NUP42: variants seen among roughly 807,000 people sequenced by gnomAD.
NUP42 encodes nucleoporin 42.
In NUP42, 47 loss-of-function variants were observed where a neutral mutation model predicts 35.9. That is an observed-to-expected ratio of 1.31 (90% CI 1.04 to 1.67). The LOEUF is 1.67. NUP42 is among the 40% of genes most tolerant of loss of function. The pLI is 0.00. For missense variants in NUP42, 514 were observed against 492.2 expected (o/e 1.04, Z -0.42); for synonymous variants, 173 against 173.3 (o/e 1.00, Z 0.01).
chr7:23,199,273 G>C (rs1181049560), intron 5 of NUP42, among the ~76,000 whole-genome samples, 185 bp from the exon 6 acceptor site: 1 of 152,038 alleles, frequency 6.6e-6, no homozygotes, highest in African/African-American at 2.4e-5. Context: ...GCTGGTCCCA[G>C]ACTCATAGGC....
In NUP42 at chr7:23,186,024, G is replaced by A. The variant is rs555929607; in HGVS notation, c.350+726G>A. Reference sequence around the variant, plus strand: ...CAAAGTGCTGGGATTATAGGCATAAGCCACCATACCCAGCCACATATCTTA... The same window carrying A: ...CAAAGTGCTGGGATTATAGGCATAAACCACCATACCCAGCCACATATCTTA... On this transcript the variant is annotated intron_variant, in intron 2 of 6. Coordinates refer to ENST00000258742, the MANE Select transcript of NUP42 (RefSeq NM_007342.3). Among the ~76,000 whole-genome samples the A allele has an allele frequency of 4.6e-5, 7 of 152,342 alleles. No individual in the cohort carries two copies. The South Asian group carries it at 6.2e-4, about 14-fold the overall frequency.
chr7:23,193,078 C>G (rs1728324), intron 3 of NUP42, among the ~76,000 whole-genome samples: 1 of 150,886 alleles, frequency 6.6e-6, no homozygotes, highest in South Asian at 2.1e-4. Context: ...TTAAGGCGGC[C>G]CGTCTGGAGT....
At chr7:23,184,050 G>A (rs1009128843) in intron 1 of NUP42, among the ~76,000 whole-genome samples, 3 of 152,012 alleles carry the variant, frequency 2.0e-5, no homozygotes, top group Non-Finnish European at 4.4e-5. Context: ...GAAGTGATGA[G>A]TAAATGAGAT....
intron 2 of NUP42, among the ~76,000 whole-genome samples, chr7:23,186,461 C>G (rs1451050850): frequency 1.3e-5 from 2 of 152,182 alleles, no homozygotes; most frequent in African/African-American, 4.8e-5. Flanking sequence ...AGAGCCGAAT[C>G]TACCCACGGC....
chr7:23,188,141 T>C lies in NUP42; in HGVS notation c.445+995T>C, dbSNP rs1785667945. ...GAGGAAACAGTGGGTACCTTGCAAATGGGAGCTCTTGCAATCAATATCGCA... is the reference window on the plus strand; with the variant it reads ...GAGGAAACAGTGGGTACCTTGCAAACGGGAGCTCTTGCAATCAATATCGCA... On this transcript the variant is annotated intron_variant, in intron 3 of 6. Transcript: ENST00000258742. 2.3e-6 allele frequency: 3 copies of C among 1,317,162 alleles called. No homozygotes were observed. The African/African-American group carries it at 4.6e-5, about 20-fold the overall frequency. The allele number at this position is 1,317,162 out of a possible 1,614,324, so 81.6% of individuals were successfully genotyped here. A position where few individuals can be genotyped will look rare whatever the true frequency, so the allele number is the denominator to read the frequency against.
intron 3 of NUP42, among the ~76,000 whole-genome samples, chr7:23,189,730 A>T (rs1222709623): frequency 6.6e-6 from 1 of 151,952 alleles, no homozygotes; most frequent in African/African-American, 2.4e-5. Context: ...GGCTAACACG[A>T]TGAAACCCCA....
intron 1 of NUP42, among the ~76,000 whole-genome samples, chr7:23,182,850 G>T (rs960496256): frequency 1.1e-4 from 16 of 150,724 alleles, no homozygotes; most frequent in Non-Finnish European, 2.2e-4. Context: ...GGAGGTGGAG[G>T]TTGCAGTGGG....
intron 5 of NUP42, among the ~76,000 whole-genome samples, chr7:23,197,683 A>G (rs1786060197): frequency 6.6e-6 from 1 of 152,182 alleles, no homozygotes; most frequent in East Asian, 1.9e-4. Context: ...GGCCCCTTCC[A>G]TAGGTTAGAA....
rs1786168269 is a variant in NUP42 at position 23,200,296 on chromosome 7, G to A, written c.823G>A (p.Ala275Thr). The A allele has an allele frequency of 1.2e-6, 2 of 1,602,812 alleles. No homozygotes were observed. ...GAGTTCCCCAGCATTTGGAGCTGCA[G>A]CCTCTACCAGTTCAGGTATCTCTAC... Reference protein sequence around the residue: ...FGSSPAFGAAASTSSGISTSA... With the variant: ...FGSSPAFGAATSTSSGISTSA... The change falls in exon 7 of 7, where the codon GCC (alanine) becomes ACC (threonine). Residue 275 changes from alanine to threonine, a missense_variant. By Grantham distance (58) the Ala-to-Thr change is moderately conservative (BLOSUM62 0). Transcript: ENST00000258742.
chr7:23,188,571 C>T, intron 3 of NUP42: 3 of 973,488 alleles, frequency 3.1e-6, no homozygotes, highest in South Asian at 4.8e-5. Context: ...AAATATGGGA[C>T]ATCCGGTTAA....
chr7:23,185,342 T>A, intron 2 of NUP42, 44 bp downstream of exon 2: 1 of 1,244,696 alleles, frequency 8.0e-7, no homozygotes, highest in Non-Finnish European at 1.2e-6. Context: ...TTTGCTTATG[T>A]TTTTTCACCT....
At chr7:23,198,431 G>C (rs1379498345) in intron 5 of NUP42, 2 of 151,742 alleles carry the variant, frequency 1.3e-5, no homozygotes, top group South Asian at 2.1e-4. Flanking sequence ...GGATGGTCTC[G>C]ATCTTCTGAC....
chr7:23,182,364 G>A, intron 1 of NUP42, 158 bp downstream of exon 1: 4 of 1,431,796 alleles, frequency 2.8e-6, no homozygotes, highest in South Asian at 3.0e-5. Context: ...TTAAACCGAG[G>A]GTTTTATCTA....
At chr7:23,188,523 T>TA (rs1785682053) in intron 3 of NUP42, 1 of 985,332 alleles carries the variant, frequency 1.0e-6, no homozygotes, top group South Asian at 4.7e-5. Flanking sequence ...AAAGCAGTGG[T>TA]TCTTAAAATG....
At chr7:23,199,297 C>T in intron 5 of NUP42, 161 bp from the exon 6 acceptor site, 1 of 580,930 alleles carries the variant, frequency 1.7e-6, no homozygotes, top group East Asian at 3.0e-5. Flanking sequence ...AGCCCTTCAC[C>T]CTCCTCAGCC....
At chr7:23,187,986 C>T in intron 3 of NUP42, 1 of 856,476 alleles carries the variant, frequency 1.2e-6, no homozygotes, top group Non-Finnish European at 1.8e-6. Flanking sequence ...AGAATATTCT[C>T]TCTCTCTTTT....
In NUP42 at chr7:23,196,709, A is replaced by G. The variant is rs1786023688; in HGVS notation, c.552A>G (p.Gln184=). 2.5e-6 allele frequency: 4 copies of G among 1,612,322 alleles called. No homozygotes were observed. Among genetic ancestry groups the G allele is most frequent in the East Asian group, 4.5e-5 (2 of 44,798 alleles). ...YLNSVQRLIN[Q]WRNRVNELKS... ...ATTCTGTCCAACGTTTAATAAATCA[A>G]TGGAGGAACAGGGTAAATGAACTGA... Residue 184 remains glutamine, a synonymous_variant, in exon 5 of 7, where the codon CAA becomes CAG. Coordinates refer to ENST00000258742, the MANE Select transcript of NUP42 (RefSeq NM_007342.3).
intron 4 of NUP42, 94 bp downstream of exon 4, chr7:23,196,009 G>A: frequency 1.7e-6 from 1 of 604,158 alleles, no homozygotes; most frequent in East Asian, 3.1e-5. Flanking sequence ...AAACCGATGA[G>A]GTCTATGATC....
intron 5 of NUP42, chr7:23,197,053 GTATT>G (rs752650429): frequency 1.4e-4 from 65 of 462,194 alleles, no homozygotes; most frequent in Non-Finnish European, 2.1e-4. Context: ...ATAAGTTTAA[GTATT>G]TAAGGTTATC....
Sources: allele counts gnomAD v4.1 joint callset (sites outside exome capture counted in the v4.1 genomes callset), GRCh38; gene constraint gnomAD v4.1.1; transcripts MANE v1.5; gene names NCBI Gene and HGNC (gene_info 2026-07-23, HGNC 2026-07-21).